Variants in SET observed in about 807,000 individuals in gnomAD.
SET encodes protein SET.
Under a neutral mutation model 39.0 loss-of-function variants are expected in SET, and 4 were observed. The ratio of observed to expected loss-of-function variants is 0.10; its 90% CI spans 0.05 to 0.23. The LOEUF (loss-of-function observed/expected upper bound fraction) is 0.23, where lower values mean the gene tolerates loss of function less well. Among genes scored for constraint, SET ranks in the 10% least tolerant of loss-of-function variants. The pLI is 1.00. For synonymous variants in SET, 114 were observed against 115.9 expected, an observed-to-expected ratio of 0.98 and a Z score of 0.11; for missense variants, 137 against 329.7, an observed-to-expected ratio of 0.42 and a Z score of 4.53.
chr9:128,685,616 C>T (rs897604947), upstream of SET, among the ~76,000 whole-genome samples: 6 of 152,112 alleles, frequency 3.9e-5, no homozygotes, highest in East Asian at 5.8e-4. Flanking sequence ...GTGTCTGTGG[C>T]GGGGGAGATG....
chr9:128,692,215 C>G, intron 3 of SET: 1 of 457,570 alleles, frequency 2.2e-6, no homozygotes, highest in Non-Finnish European at 3.9e-6. Flanking sequence ...GTTGAAACCC[C>G]GTCTCTACTA....
In SET at chr9:128,691,337, C is replaced by T. The variant is rs1229303151; in HGVS notation, c.131+110C>T. The T allele has an allele frequency of 4.1e-6, 3 of 736,344 alleles. No homozygotes were observed. The East Asian group carries it at 7.7e-5, about 19-fold the overall frequency. The allele number at this position is 736,344 out of a possible 1,614,324, so 45.6% of individuals were successfully genotyped here. Reference sequence around the variant, plus strand: ...ATCCACTGTCAAAGGGGAAATGATTCTAACTTGGTTGGAAATACTTATGTA... The same window carrying T: ...ATCCACTGTCAAAGGGGAAATGATTTTAACTTGGTTGGAAATACTTATGTA... On this transcript the variant is annotated intron_variant, in intron 2 of 7. Transcript: ENST00000322030.
Position 128,692,784 on chromosome 9 carries a change from A to T in SET, c.378+19A>T. 6.4e-7 allele frequency: 1 copy of T among 1,562,398 alleles called. No homozygotes were observed. Among genetic ancestry groups the T allele is most frequent in the South Asian group, 1.1e-5 (1 of 89,884 alleles). On this transcript the variant is annotated intron_variant, in intron 4 of 7. Transcript: ENST00000322030. ...AGATTTTGTAAGTATCTCTAACTTA[A>T]TCTTGTTTGCCACTGTGGAAATTAA...
chr9:128,690,942 T>A lies in SET; in HGVS notation c.74-228T>A. On this transcript the variant is annotated intron_variant, in intron 1 of 7. Transcript: ENST00000322030. ...GTAGTGAAACTCTTTAAAAAGGCGC[T>A]ATAGAAAACCAATTTCTGAGTAAAC... 7 of 589,186 alleles carry A rather than the reference T, an allele frequency of 1.2e-5. 1 individual carries two copies. The South Asian group carries it at 1.3e-4, about 11-fold the overall frequency. The allele number at this position is 589,186 out of a possible 1,614,324, so 36.5% of individuals were successfully genotyped here.
intron 3 of SET, 198 bp from the exon 4 acceptor site, chr9:128,692,464 C>G (rs898064442): frequency 6.9e-6 from 2 of 289,852 alleles, no homozygotes; most frequent in East Asian, 7.6e-5. Context: ...GCTTTCTATT[C>G]TGTTTAGGAG....
exon 1 of SET, chr9:128,683,852 G>A (rs533332313): frequency 6.0e-6 from 9 of 1,489,726 alleles, no homozygotes; most frequent in African/African-American, 2.8e-5. Context: ...GCTTCCGGAC[G>A]GGCGAGGAGA....
exon 1 of SET, chr9:128,683,984 C>T: frequency 6.4e-7 from 1 of 1,555,456 alleles, no homozygotes; most frequent in Non-Finnish European, 8.7e-7. Context: ...ACATCGGCCT[C>T]TGCAGGCTTG....
At chr9:128,694,248 T>G (rs372219518) in intron 7 of SET, among the ~76,000 whole-genome samples, 57 of 152,058 alleles carry the variant, frequency 3.7e-4, no homozygotes, top group African/African-American at 1.2e-3. Context: ...GGTTTTTTTT[T>G]GGGTTTTTTT....
In SET at chr9:128,689,361, G is replaced by A; in HGVS notation, c.-222G>A. On this transcript the variant is annotated 5_prime_UTR_variant, in exon 1 of 8. Coordinates refer to ENST00000322030, the MANE Select transcript of SET (RefSeq NM_003011.4). ...CTCCCCTCCGCGAACAGGAGCCCGG[G>A]CCGGGGCCCGGCACGCCGCCCCAGC... 2 of 1,038,174 alleles carry A rather than the reference G, an allele frequency of 1.9e-6. No homozygotes were observed. The highest frequency in any genetic ancestry group is 1.2e-6 in the Non-Finnish European group (1 of 855,878). 64.3% of individuals were successfully genotyped at this position (1,038,174 alleles called of 1,614,324 possible). A position where few individuals can be genotyped will look rare whatever the true frequency, so the allele number is the denominator to read the frequency against.
intron 5 of SET, 110 bp downstream of exon 5, chr9:128,693,091 T>A: frequency 1.4e-6 from 1 of 720,540 alleles, no homozygotes; most frequent in Non-Finnish European, 2.3e-6. Flanking sequence ...TACAAAACCT[T>A]AAAATATAAA....
At chr9:128,689,214 G>C (rs1426512737), upstream of SET, 5 of 991,616 alleles carry the variant, frequency 5.0e-6, no homozygotes, top group Admixed American at 6.1e-5. Context: ...CCTGCGCCCT[G>C]CGCCCGCCCC....
chr9:128,684,101 C>G, intron 1 of SET: 1 of 953,986 alleles, frequency 1.0e-6, no homozygotes, highest in Non-Finnish European at 1.6e-6. Flanking sequence ...GAGATGTGAC[C>G]CCTAAGCACC....
At chr9:128,685,621 G>A (rs988821717), upstream of SET, among the ~76,000 whole-genome samples, 8 of 152,244 alleles carry the variant, frequency 5.3e-5, no homozygotes, top group African/African-American at 1.9e-4. Flanking sequence ...TGTGGCGGGG[G>A]AGATGTTCCA....
At chr9:128,692,144 T>C (rs1446808174) in intron 3 of SET, 144 bp downstream of exon 3, 9 of 980,714 alleles carry the variant, frequency 9.2e-6, no homozygotes, top group African/African-American at 6.6e-5. Context: ...CCCAGCACTT[T>C]GGGAGGCCGA....
intron 1 of SET, chr9:128,689,896 G>T (rs1266263873): frequency 1.5e-5 from 3 of 201,300 alleles, no homozygotes; most frequent in South Asian, 3.2e-4. Context: ...TGCTCGGCGC[G>T]GGCGGAGGAG....
At chr9:128,688,854 GC>G (rs1158882480), upstream of SET, among the ~76,000 whole-genome samples, 1 of 152,182 alleles carries the variant, frequency 6.6e-6, no homozygotes, top group East Asian at 1.9e-4. Flanking sequence ...ACGAGGCCGG[GC>G]CTGCACTTTC....
chr9:128,694,556 G>A, intron 7 of SET, 85 bp from the exon 8 acceptor site: 1 of 844,676 alleles, frequency 1.2e-6, no homozygotes, highest in Non-Finnish European at 1.9e-6. Context: ...GTGCCCCCAG[G>A]GGCACTCGTG....
chr9:128,685,673 A>C (rs1861257825), upstream of SET, among the ~76,000 whole-genome samples: 1 of 152,170 alleles, frequency 6.6e-6, no homozygotes, highest in Non-Finnish European at 1.5e-5. Context: ...ACACTGCAGC[A>C]CTGTGGGGGA....
chr9:128,692,185 G>A (rs1296608088), intron 3 of SET, among the ~76,000 whole-genome samples, 185 bp downstream of exon 3: 1 of 152,028 alleles, frequency 6.6e-6, no homozygotes, highest in South Asian at 2.1e-4. Context: ...TCAGGGGTTC[G>A]AAACCAGCTT....
Sources: gnomAD v4.1 joint callset for allele counts (sites outside exome capture counted in the v4.1 genomes callset) on GRCh38, gnomAD v4.1.1 for gene constraint, MANE v1.5 for transcripts, NCBI Gene and HGNC (gene_info 2026-07-23, HGNC 2026-07-21) for gene names.